SEC14L6: variants seen among roughly 807,000 people sequenced by gnomAD.
SEC14L6 encodes the protein SEC14 like lipid binding 6, also known as SEC14-like protein 6.
A neutral mutation model predicts 54.1 loss-of-function variants in SEC14L6; 40 were observed. The observed-to-expected ratio is 0.74, with a 90% CI of 0.57 to 0.96. The LOEUF (loss-of-function observed/expected upper bound fraction) is 0.96, where lower values mean the gene tolerates loss of function less well. Ranked by LOEUF, SEC14L6 falls within the 40% of genes least tolerant of loss-of-function variation. The probability of loss-of-function intolerance (pLI) is 0.00; values close to 1 mark genes in which losing one functional copy is unlikely to be tolerated. For missense variants in SEC14L6, 471 were observed against 498.3 expected, an observed-to-expected ratio of 0.95 and a Z score of 0.52; for synonymous variants, 171 against 198.4, an observed-to-expected ratio of 0.86 and a Z score of 1.16.
rs1192150125 is a variant in SEC14L6 at position 30,524,722 on chromosome 22, A to G, written c.*275T>C. 2.9e-6 allele frequency: 1 copy of G among 346,484 alleles called. No individual in the cohort carries two copies. Among genetic ancestry groups the G allele is most frequent in the Non-Finnish European group, 5.4e-6 (1 of 185,534 alleles). The allele number at this position is 346,484 out of a possible 1,614,324, so 21.5% of individuals were successfully genotyped here. The stretch of plus-strand genomic sequence containing the variant: ...GTAACTTATTTCTTGGTATTGGTTG[A>G]TAGAAAAAAGCCTGGGGTTTTTGCT... On this transcript the variant is annotated 3_prime_UTR_variant, in exon 12 of 12. Transcript: ENST00000402034.
chr22:30,543,209 A>G (rs2085755595), intron 1 of SEC14L6: 5 of 1,603,476 alleles, frequency 3.1e-6, no homozygotes, highest in South Asian at 2.2e-5. Context: ...AGCACAGCCA[A>G]TGTGGTGCTG....
intron 1 of SEC14L6, 131 bp downstream of exon 1, chr22:30,546,498 C>G: frequency 2.7e-6 from 2 of 739,336 alleles, no homozygotes; most frequent in Non-Finnish European, 4.4e-6. Flanking sequence ...CTCTGGCTAC[C>G]AAGCCCCTCA....
chr22:30,538,499 G>A (rs952335628), intron 2 of SEC14L6, among the ~76,000 whole-genome samples: 1 of 152,188 alleles, frequency 6.6e-6, no homozygotes, highest in African/African-American at 2.4e-5. Context: ...GCCCTGTGAG[G>A]AAGAACTGAA....
intron 6 of SEC14L6, among the ~76,000 whole-genome samples, chr22:30,530,166 C>T (rs1457051693): frequency 2.0e-5 from 3 of 151,928 alleles, no homozygotes; most frequent in Non-Finnish European, 4.4e-5. Context: ...TCCCAAAGCA[C>T]TTTGGGAGGC....
intron 6 of SEC14L6, among the ~76,000 whole-genome samples, chr22:30,531,489 CCA>C (rs1936970517): frequency 6.6e-6 from 1 of 151,632 alleles, no homozygotes; most frequent in Non-Finnish European, 1.5e-5. Context: ...CTTTGGGAGG[CCA>C]AGGCGGGCAG....
rs1325740934 is a variant in SEC14L6 at position 30,525,614 on chromosome 22, A to T, written c.908T>A (p.Leu303His). ...GTAGAGTGGCTGCCATCCCTACCTGAGCACACAGCCCGGGAACAGGATCTC... is the reference window on the plus strand; with the variant it reads ...GTAGAGTGGCTGCCATCCCTACCTGTGCACACAGCCCGGGAACAGGATCTC... ...ENEILFPGCV[L>H]RWQFASDGGD... The change falls in exon 10 of 12, where the codon CTC becomes CAC. Residue 303 changes from leucine to histidine, a missense_variant. Coordinates refer to ENST00000402034, the MANE Select transcript of SEC14L6 (RefSeq NM_001193336.4). 1 of 1,609,056 alleles carries T rather than the reference A, an allele frequency of 6.2e-7. No homozygotes were observed. Among genetic ancestry groups the T allele is most frequent in the Admixed American group, 1.7e-5 (1 of 59,182 alleles).
intron 1 of SEC14L6, among the ~76,000 whole-genome samples, chr22:30,541,887 A>T (rs577373882): frequency 6.6e-6 from 1 of 152,374 alleles, no homozygotes; most frequent in East Asian, 1.9e-4. Flanking sequence ...AAAACAAATT[A>T]TCTGGTATTG....
At chr22:30,536,822 C>T (rs555509047) in intron 2 of SEC14L6, among the ~76,000 whole-genome samples, 5 of 151,800 alleles carry the variant, frequency 3.3e-5, no homozygotes, top group East Asian at 1.9e-4. Flanking sequence ...GTCAGGAGTT[C>T]GAGACCAGCC....
chr22:30,535,898 T>TG, intron 2 of SEC14L6, among the ~76,000 whole-genome samples: 1 of 150,246 alleles, frequency 6.7e-6, no homozygotes, highest in South Asian at 2.1e-4. Context: ...TTTTTTTTTT[T>TG]TTTTTTTTTT....
chr22:30,540,218 CTG>C (rs1276482093), intron 1 of SEC14L6, among the ~76,000 whole-genome samples: 4 of 152,188 alleles, frequency 2.6e-5, no homozygotes, highest in African/African-American at 4.8e-5. Flanking sequence ...AGTGAGGAAA[CTG>C]AGGCTGGAAA....
At chr22:30,539,207 T>C (rs1418849419) in intron 1 of SEC14L6, among the ~76,000 whole-genome samples, 1 of 152,080 alleles carries the variant, frequency 6.6e-6, no homozygotes, top group Non-Finnish European at 1.5e-5. Flanking sequence ...TGAAACCCTG[T>C]CTGTACTAAA....
At chr22:30,545,192 G>A (rs1053640513) in intron 1 of SEC14L6, among the ~76,000 whole-genome samples, 2 of 152,130 alleles carry the variant, frequency 1.3e-5, no homozygotes, top group Non-Finnish European at 2.9e-5. Flanking sequence ...GGCTAGAGAC[G>A]AAAATGCACC....
chr22:30,529,549 A>ATCT (rs1188387892), intron 6 of SEC14L6, among the ~76,000 whole-genome samples, 200 bp from the exon 7 acceptor site: 5 of 152,070 alleles, frequency 3.3e-5, no homozygotes, highest in African/African-American at 1.2e-4. Context: ...GGTTTGTTGG[A>ATCT]TCCTAGTCAT....
rs961447871 is a variant in SEC14L6 at position 30,534,015 on chromosome 22, G to C, written c.155C>G (p.Ser52Ter). Residue 52 changes from serine (S) to a stop codon, truncating the protein, a stop_gained, in exon 3 of 12, where the codon TCA becomes TGA. Coordinates refer to ENST00000402034, the MANE Select transcript of SEC14L6 (RefSeq NM_001193336.4). LOFTEE classifies it high-confidence loss of function. ...LQARSFDLQKSEDMLRKHMEF... is the reference protein window; with the variant it reads ...LQARSFDLQK ...CCTCACCTTCCTCAGCATGTCCTCT[G>C]ATTTCTGCAGGTCAAAGCTCCGAGC... is the stretch of plus-strand genomic sequence containing the variant. The C allele has an allele frequency of 6.4e-6, 10 of 1,550,896 alleles. No homozygotes were observed. The Admixed American group carries it at 2.0e-4, about 30-fold the overall frequency.
rs1261056941 is a variant in SEC14L6 at position 30,533,039 on chromosome 22, T to C, written c.175-183A>G. 4 of 985,202 alleles carry C rather than the reference T, an allele frequency of 4.1e-6. No individual in the cohort carries two copies. The African/African-American group carries it at 5.2e-5, about 13-fold the overall frequency. The allele number at this position is 985,202 out of a possible 1,614,324, so 61.0% of individuals were successfully genotyped here. On this transcript the variant is annotated intron_variant, in intron 3 of 11. Coordinates refer to ENST00000402034, the MANE Select transcript of SEC14L6 (RefSeq NM_001193336.4). ...GGATGGGGATGGAAGGGGACATGCA[T>C]CTGAGAGGCCAGGAGAGACCTAGAA...
intron 1 of SEC14L6, chr22:30,542,955 C>A: frequency 6.2e-7 from 1 of 1,601,364 alleles, no homozygotes; most frequent in African/African-American, 1.3e-5. Context: ...AGAAAGGGAG[C>A]CCTGACGTGG....
chr22:30,524,646 G>A lies in SEC14L6; in HGVS notation c.*351C>T, dbSNP rs140421022. 148 of 170,374 alleles carry A rather than the reference G, an allele frequency of 8.7e-4. No homozygotes were observed. Among genetic ancestry groups the A allele is most frequent in the African/African-American group, 3.4e-3 (141 of 42,062 alleles). The allele number at this position is 170,374 out of a possible 1,614,324, so 10.6% of individuals were successfully genotyped here. A position where few individuals can be genotyped will look rare whatever the true frequency, so the allele number is the denominator to read the frequency against. Reference sequence around the variant, plus strand: ...CCCGCCTTGGCTTCCCAAAGTGCTGGGATTACAGGTATGAGCCACCATGCC... The same window carrying A: ...CCCGCCTTGGCTTCCCAAAGTGCTGAGATTACAGGTATGAGCCACCATGCC... On this transcript the variant is annotated 3_prime_UTR_variant, in exon 12 of 12. Coordinates refer to ENST00000402034, the MANE Select transcript of SEC14L6 (RefSeq NM_001193336.4).
At chr22:30,529,709 GC>G (rs1936906449) in intron 6 of SEC14L6, among the ~76,000 whole-genome samples, 1 of 152,224 alleles carries the variant, frequency 6.6e-6, no homozygotes, top group South Asian at 2.1e-4. Context: ...CTCCCAAGGT[GC>G]TGGGATTACA....
At chr22:30,539,040 A>G in intron 1 of SEC14L6, 138 bp from the exon 2 acceptor site, 3 of 612,312 alleles carry the variant, frequency 4.9e-6, no homozygotes, top group Non-Finnish European at 2.9e-6. Context: ...GGGTCAAGCC[A>G]TAACAGTTTG....
Sources: allele counts gnomAD v4.1 joint callset (sites outside exome capture counted in the v4.1 genomes callset), GRCh38; gene constraint gnomAD v4.1.1; transcripts MANE v1.5; gene names NCBI Gene and HGNC (gene_info 2026-07-23, HGNC 2026-07-21).